The following ARHGEF17 variants were observed in gnomAD, a reference collection of about 807,000 sequenced individuals.
ARHGEF17 encodes 164 kDa Rho-specific guanine-nucleotide exchange factor.
Under a neutral mutation model 174.0 loss-of-function variants are expected in ARHGEF17, and 80 were observed. The ratio of observed to expected loss-of-function variants is 0.46; its 90% CI spans 0.38 to 0.55. ARHGEF17 has a LOEUF of 0.55. Among genes scored for constraint, ARHGEF17 ranks in the 20% least tolerant of loss-of-function variants. The pLI, the probability that ARHGEF17 is intolerant of heterozygous loss-of-function variation, is 0.00. For missense variants in ARHGEF17, 2,886 were observed against 2,839.7 expected (o/e 1.02, Z -0.37); for synonymous variants, 1,311 against 1,189.1 (o/e 1.10, Z -2.11).
chr11:73,315,250 G>A (rs1042666941), intron 1 of ARHGEF17, among the ~76,000 whole-genome samples: 2 of 152,204 alleles, frequency 1.3e-5, no homozygotes, highest in Non-Finnish European at 2.9e-5. Flanking sequence ...CACTTTCATA[G>A]TGGTTATTTA....
chr11:73,326,096 G>A (rs998538869), intron 1 of ARHGEF17, among the ~76,000 whole-genome samples: 1 of 152,216 alleles, frequency 6.6e-6, no homozygotes, highest in Non-Finnish European at 1.5e-5. Context: ...TATGTGCAGG[G>A]TTAGCATGGG....
At chr11:73,358,453 C>CTTTTTTT (rs1172357794) in intron 9 of ARHGEF17, among the ~76,000 whole-genome samples, 7 of 93,296 alleles carry the variant, frequency 7.5e-5, no homozygotes, top group African/African-American at 9.9e-5. Flanking sequence ...AGGTCCGCCT[C>CTTTTTTT]TTTTTTTTTT....
At chr11:73,360,936 C>T in intron 11 of ARHGEF17, 152 bp from the exon 12 acceptor site, 2 of 633,884 alleles carry the variant, frequency 3.2e-6, no homozygotes, top group South Asian at 2.0e-5. Context: ...AGGCCAGGAG[C>T]AACTGCCTTA....
At chr11:73,366,013 C>G (rs1440671859) in intron 20 of ARHGEF17, 66 bp downstream of exon 20, 9 of 1,543,006 alleles carry the variant, frequency 5.8e-6, no homozygotes, top group Non-Finnish European at 7.0e-6. Context: ...CCCCACTATC[C>G]TGCCAGAAGA....
chr11:73,310,485 C>G lies in ARHGEF17; in HGVS notation c.1847C>G (p.Pro616Arg). 1.2e-6 allele frequency: 2 copies of G among 1,613,996 alleles called. No homozygotes were observed. The highest frequency in any genetic ancestry group is 1.3e-5 in the African/African-American group (1 of 75,052). Residue 616 changes from proline to arginine, a missense_variant, in exon 1 of 21, where the codon CCC (proline) becomes CGC (arginine). Pro to Arg is a moderately radical substitution (Grantham distance 103). Transcript: ENST00000263674. ...GAQQDDGSDA[P>R]PGSPDWAGDV... Reference sequence around the variant, plus strand: ...CAACAAGATGATGGAAGCGATGCCCCCCCTGGAAGCCCTGACTGGGCAGGG... The same window carrying G: ...CAACAAGATGATGGAAGCGATGCCCGCCCTGGAAGCCCTGACTGGGCAGGG...
Position 73,365,143 on chromosome 11 carries a change from AC to A in ARHGEF17, c.5551-244del. 1 of 522,386 alleles carries A rather than the reference AC, an allele frequency of 1.9e-6. No individual in the cohort carries two copies. The highest frequency in any genetic ancestry group is 3.4e-5 in the East Asian group (1 of 29,772). 32.4% of individuals were successfully genotyped at this position (522,386 alleles called of 1,614,324 possible). On this transcript the variant is annotated intron_variant, in intron 18 of 20. Transcript: ENST00000263674. The surrounding 1 kb of genome is among the most constrained non-coding windows in gnomAD (Gnocchi z 4.9). ...GGGGAGGCCAGTGACTGATTTTAGA[AC>A]CCTTTAAGCATTGAAGTTCTCTGAT...
Position 73,357,061 on chromosome 11 carries a change from C to T in ARHGEF17, c.3928C>T (p.Leu1310=), listed in dbSNP as rs1441986517. ...TGGCAAGAAGGACCGGTCTCTCTTC[C>T]TGTTCACGGACCTCATCGTCTGCAC... The part of the protein sequence containing the change: ...IGGKKDRSLF[L]FTDLIVCTTL... Residue 1310 remains leucine, a synonymous_variant, in exon 8 of 21, where the codon CTG becomes TTG. Coordinates refer to ENST00000263674, the MANE Select transcript of ARHGEF17 (RefSeq NM_014786.4). The T allele has an allele frequency of 1.2e-6, 2 of 1,614,208 alleles. No homozygotes were observed. Among genetic ancestry groups the T allele is most frequent in the Admixed American group, 3.3e-5 (2 of 60,034 alleles).
At chr11:73,327,628 C>T (rs1865123027) in intron 1 of ARHGEF17, among the ~76,000 whole-genome samples, 1 of 152,170 alleles carries the variant, frequency 6.6e-6, no homozygotes, top group East Asian at 1.9e-4. Context: ...CCACACCTGG[C>T]AGAGAGACCA....
At chr11:73,353,237 C>T (rs955471212) in intron 3 of ARHGEF17, 13 of 598,706 alleles carry the variant, frequency 2.2e-5, no homozygotes, top group East Asian at 5.7e-5. Context: ...GCACGGACTC[C>T]GACCCCAGCC....
At chr11:73,361,588 G>A (rs1046300788) in intron 12 of ARHGEF17, among the ~76,000 whole-genome samples, 1 of 152,192 alleles carries the variant, frequency 6.6e-6, no homozygotes, top group Non-Finnish European at 1.5e-5. Flanking sequence ...TGGGCAAGGT[G>A]CGGTGGCTTA....
In ARHGEF17 at chr11:73,356,215, C is replaced by T. The variant is rs147119627; in HGVS notation, c.3704C>T (p.Pro1235Leu). The T allele has an allele frequency of 2.5e-6, 4 of 1,613,864 alleles. No homozygotes were observed. The African/African-American group carries it at 4.0e-5, about 16-fold the overall frequency. ...ACACCTGAGGACCACCCGGACCATC[C>T]ACTCCTGCTGGAGGCGCAGCGGAAC... The part of the protein sequence containing the change: ...KHTPEDHPDH[P>L]LLLEAQRNIK... Residue 1235 changes from proline to leucine, a missense_variant, in exon 6 of 21, where the codon CCA becomes CTA. Pro to Leu is a moderately conservative substitution (Grantham distance 98). Transcript: ENST00000263674.
intron 1 of ARHGEF17, among the ~76,000 whole-genome samples, chr11:73,333,960 T>G (rs549224023): frequency 6.6e-6 from 1 of 152,192 alleles, no homozygotes; most frequent in Non-Finnish European, 1.5e-5. Context: ...CAGTGCACAT[T>G]AATTACACTG....
chr11:73,332,334 C>T (rs1384354160), intron 1 of ARHGEF17, among the ~76,000 whole-genome samples: 1 of 148,144 alleles, frequency 6.8e-6, no homozygotes, highest in Non-Finnish European at 1.5e-5. Context: ...GTATATTTCC[C>T]TCCAGGCTTT....
intron 1 of ARHGEF17, among the ~76,000 whole-genome samples, chr11:73,342,439 G>C (rs1295098837): frequency 6.6e-6 from 1 of 152,160 alleles, no homozygotes; most frequent in East Asian, 1.9e-4. Context: ...GCCTGTTTCT[G>C]CTGGCAATAG....
At chr11:73,326,512 G>C (rs1441098151) in intron 1 of ARHGEF17, among the ~76,000 whole-genome samples, 1 of 152,194 alleles carries the variant, frequency 6.6e-6, no homozygotes, top group Non-Finnish European at 1.5e-5. Context: ...CTGAGGTCAG[G>C]AGTTCAAGAC....
In ARHGEF17 at chr11:73,309,321, G is replaced by C; in HGVS notation, c.683G>C (p.Arg228Pro). The C allele has an allele frequency of 1.3e-6, 2 of 1,595,286 alleles. No individual in the cohort carries two copies. The highest frequency in any genetic ancestry group is 1.7e-6 in the Non-Finnish European group (2 of 1,177,490). The change falls in exon 1 of 21, where the codon CGG (arginine) becomes CCG (proline). Residue 228 changes from arginine (R) to proline (P), a missense_variant. Physicochemically the swap from Arg to Pro is moderately radical, Grantham distance 103 (BLOSUM62 -2). This residue lies in a region of ARHGEF17 where 1,728 missense variants were observed against 1,461.2 expected (regional missense o/e 1.18). Transcript: ENST00000263674. ...TTCTCCCAACCGCAGGCCGGGGCCCGGGCCTCCTGCTCCTCCTCCTCCATC... is the reference window on the plus strand; with the variant it reads ...TTCTCCCAACCGCAGGCCGGGGCCCCGGCCTCCTGCTCCTCCTCCTCCATC... ...HIFSQPQAGA[R>P]ASCSSSSIAA...
chr11:73,365,872 C>T lies in ARHGEF17; in HGVS notation c.5920C>T (p.Arg1974Cys). Residue 1974 changes from arginine to cysteine, a missense_variant, in exon 20 of 21, where the codon CGC (arginine) becomes TGC (cysteine). Transcript: ENST00000263674. The surrounding 1 kb of genome is among the most constrained non-coding windows in gnomAD (Gnocchi z 4.9). The stretch of plus-strand genomic sequence containing the variant: ...CGGCCAGGGACACACCGGCCACGTC[C>T]GCTTCTTGGCTGCAGTCCAGCTGCC... ...GLGQGHTGHV[R>C]FLAAVQLPDG... is the part of the protein sequence containing the mutation. 3 of 1,611,428 alleles carry T rather than the reference C, an allele frequency of 1.9e-6. No homozygotes were observed. The highest frequency in any genetic ancestry group is 2.5e-6 in the Non-Finnish European group (3 of 1,180,022).
At chr11:73,312,495 A>G (rs941282684) in intron 1 of ARHGEF17, among the ~76,000 whole-genome samples, 8 of 152,084 alleles carry the variant, frequency 5.3e-5, no homozygotes, top group African/African-American at 1.9e-4. Context: ...ACTAGTGCCT[A>G]TGTTTCCATC....
intron 1 of ARHGEF17, chr11:73,343,245 A>G (rs1353626306): frequency 2.5e-6 from 1 of 398,614 alleles, no homozygotes; most frequent in Admixed American, 4.4e-5. Context: ...CGGGGGCAGC[A>G]GCACTGACGC....
Sources: allele counts gnomAD v4.1 joint callset (sites outside exome capture counted in the v4.1 genomes callset), GRCh38; gene constraint gnomAD v4.1.1; regional missense constraint gnomAD v4.1.1; non-coding constraint Gnocchi (gnomAD v3.1); transcripts MANE v1.5; gene names NCBI Gene and HGNC (gene_info 2026-07-23, HGNC 2026-07-21).